The following TG variants were observed in gnomAD, a reference collection of about 807,000 sequenced individuals.
The protein encoded by TG is thyroglobulin, also known as thyroid hormones.
In TG, 270 loss-of-function variants were observed where a neutral mutation model predicts 324.7. The observed-to-expected ratio is 0.83, with a 90% CI of 0.75 to 0.92. The LOEUF (loss-of-function observed/expected upper bound fraction) is 0.92, where lower values mean the gene tolerates loss of function less well. Among genes scored for constraint, TG ranks in the 40% least tolerant of loss-of-function variants. TG has a pLI of 0.00. For synonymous variants in TG, 1,401 were observed against 1,327.0 expected, an observed-to-expected ratio of 1.06 and a Z score of -1.21; for missense variants, 3,591 against 3,456.4, an observed-to-expected ratio of 1.04 and a Z score of -0.98.
intron 34 of TG, among the ~76,000 whole-genome samples, chr8:132,979,438 A>G (rs777056020): frequency 6.6e-6 from 1 of 152,328 alleles, no homozygotes; most frequent in Non-Finnish European, 1.5e-5. Context: ...AAAGGAAATG[A>G]CAAGCTCTTC....
At chr8:132,948,187 C>A (rs537951035) in intron 26 of TG, among the ~76,000 whole-genome samples, 46 of 151,204 alleles carry the variant, frequency 3.0e-4, no homozygotes, top group African/African-American at 5.4e-4. Context: ...CGTCCCCCCC[C>A]AAAAAAAGTT....
At position 132,935,769 on chromosome 8, in the gene TG, T is replaced by C; in HGVS notation, c.4946T>C (p.Leu1649Pro). ...CMTSDQKRDA[L>P]GNSKATSFGS... ...TTCCATCTCCAGAAACGAGATGCAC[T>C]GGGGAACTCAAAGGCCACCAGCTTT... is the stretch of plus-strand genomic sequence containing the variant. The change falls in exon 25 of 48, where the codon CTG becomes CCG. Residue 1649 changes from leucine (L) to proline (P), a missense_variant. By Grantham distance (98) the Leu-to-Pro change is moderately conservative. Transcript: ENST00000220616. 6.2e-7 allele frequency: 1 copy of C among 1,612,880 alleles called. No homozygotes were observed. Among genetic ancestry groups the C allele is most frequent in the Non-Finnish European group, 8.5e-7 (1 of 1,179,932 alleles).
intron 26 of TG, among the ~76,000 whole-genome samples, chr8:132,945,987 A>G (rs1231262476): frequency 2.0e-5 from 3 of 151,974 alleles, no homozygotes; most frequent in Non-Finnish European, 2.9e-5. Flanking sequence ...TTAATGTTCT[A>G]TGATTATGTG....
intron 41 of TG, among the ~76,000 whole-genome samples, chr8:133,064,545 CT>C (rs1175423453): frequency 1.3e-5 from 2 of 152,220 alleles, no homozygotes; most frequent in East Asian, 3.8e-4. Context: ...AGGACCTACA[CT>C]TTTTGTTCAG....
chr8:132,888,121 G>C lies in TG; in HGVS notation c.2314G>C (p.Val772Leu). 1 of 1,614,134 alleles carries C rather than the reference G, an allele frequency of 6.2e-7. No homozygotes were observed. The highest frequency in any genetic ancestry group is 8.5e-7 in the Non-Finnish European group (1 of 1,180,004). Reference protein sequence around the residue: ...QCSTDGQWRQVQCNGPPEQVF... With the variant: ...QCSTDGQWRQLQCNGPPEQVF... The stretch of plus-strand genomic sequence containing the variant: ...CAGCACCGATGGGCAGTGGAGACAA[G>C]TGCAATGCAATGGGCCTCCTGAGCA... Residue 772 changes from valine (V) to leucine (L), a missense_variant, in exon 10 of 48, where the codon GTG (valine) becomes CTG (leucine). Coordinates refer to ENST00000220616, the MANE Select transcript of TG (RefSeq NM_003235.5).
intron 43 of TG, among the ~76,000 whole-genome samples, chr8:133,098,045 T>C (rs1848695573): frequency 6.6e-6 from 1 of 152,214 alleles, no homozygotes; most frequent in Non-Finnish European, 1.5e-5. Flanking sequence ...AAATACCTTT[T>C]GTACCTGATC....
At chr8:132,987,611 G>A (rs1014785675) in intron 35 of TG, among the ~76,000 whole-genome samples, 2 of 152,082 alleles carry the variant, frequency 1.3e-5, no homozygotes, top group Non-Finnish European at 2.9e-5. Flanking sequence ...AGTTAGATAA[G>A]GTTACTTGGT....
intron 23 of TG, among the ~76,000 whole-genome samples, chr8:132,932,669 A>G (rs982493915): frequency 1.3e-5 from 2 of 152,202 alleles, no homozygotes; most frequent in African/African-American, 4.8e-5. Flanking sequence ...ACACAGTTGA[A>G]TGCTTCATGC....
intron 41 of TG, among the ~76,000 whole-genome samples, chr8:133,046,775 G>C (rs1181502570): frequency 6.6e-6 from 1 of 152,132 alleles, no homozygotes; most frequent in African/African-American, 2.4e-5. Context: ...AGCATATTTG[G>C]GTTTTTTAGA....
Position 133,010,965 on chromosome 8 carries a change from G to A in TG, c.6263-936G>A, listed in dbSNP as rs111500244. 2.4e-3 allele frequency among the ~76,000 whole-genome samples: 367 copies of A among 152,308 alleles called. 2 individuals are homozygous for A. The highest frequency in any genetic ancestry group is 0.01 in the Middle Eastern group (3 of 294). On this transcript the variant is annotated intron_variant, in intron 35 of 47. Transcript: ENST00000220616. ...ACCGAGCAGGAACAGTGCCCTCACAGGCCAGTCATTTTAACCTCTTGTGTC... is the reference window on the plus strand; with the variant it reads ...ACCGAGCAGGAACAGTGCCCTCACAAGCCAGTCATTTTAACCTCTTGTGTC...
At chr8:132,898,680 A>C (rs1277170548) in intron 13 of TG, 118 bp from the exon 14 acceptor site, 28 of 816,114 alleles carry the variant, frequency 3.4e-5, no homozygotes, top group Non-Finnish European at 5.4e-5. Flanking sequence ...CTACCTCTCT[A>C]TGAAGAGCAC....
At chr8:132,912,199 A>C (rs183174958) in intron 19 of TG, among the ~76,000 whole-genome samples, 174 of 152,320 alleles carry the variant, frequency 1.1e-3, no homozygotes, top group Non-Finnish European at 1.9e-3. Flanking sequence ...GTCATTCACT[A>C]GTTCTCAGGA....
Position 132,883,002 on chromosome 8 carries a change from G to T in TG, c.1075+3G>T, listed in dbSNP as rs747679727. 1 of 1,613,580 alleles carries T rather than the reference G, an allele frequency of 6.2e-7. No homozygotes were observed. Among genetic ancestry groups the T allele is most frequent in the Non-Finnish European group, 8.5e-7 (1 of 1,179,874 alleles). On this transcript the variant is annotated splice_donor_region_variant and intron_variant, in intron 8 of 47. Coordinates refer to ENST00000220616, the MANE Select transcript of TG (RefSeq NM_003235.5). ...GCAAGGGGAGCCGCCATCTTGTGGT[G>T]GGTTTCCTCTGGGGGCTTCCTCTTT...
At chr8:132,961,583 G>T (rs1395757188) in intron 28 of TG, among the ~76,000 whole-genome samples, 1 of 152,118 alleles carries the variant, frequency 6.6e-6, no homozygotes, top group Non-Finnish European at 1.5e-5. Context: ...CTGTTTCTTT[G>T]TCCTCCTTCA....
At chr8:133,100,664 A>G (rs1284595372) in intron 43 of TG, among the ~76,000 whole-genome samples, 1 of 152,152 alleles carries the variant, frequency 6.6e-6, no homozygotes, top group Non-Finnish European at 1.5e-5. Context: ...TCCTCTTCCC[A>G]TGACGTCACT....
rs916771495 is a variant in TG, at chr8:133,012,092, C to A, written c.6397+57C>A. On this transcript the variant is annotated intron_variant, in intron 36 of 47. Transcript: ENST00000220616. ...GGGACAAAACCTCACACAAGTGCTGCTCAAGATTCTCAACTTAGAAAAACA... is the reference window on the plus strand; with the variant it reads ...GGGACAAAACCTCACACAAGTGCTGATCAAGATTCTCAACTTAGAAAAACA... 1.4e-5 allele frequency: 22 copies of A among 1,608,814 alleles called. No homozygotes were observed. In the African/African-American group the frequency reaches 2.7e-4, roughly 20 times the overall value.
At chr8:133,056,273 A>G (rs79948365) in intron 41 of TG, among the ~76,000 whole-genome samples, 3,761 of 152,284 alleles carry the variant, frequency 0.025, 157 homozygotes, top group African/African-American at 0.082. Context: ...CAATTATGTA[A>G]AAGTTGAATG....
In TG at chr8:133,134,752, C is replaced by T; in HGVS notation, c.8265C>T (p.Leu2755=). The change falls in exon 48 of 48, where the codon CTC becomes CTT. Residue 2755 remains leucine, a synonymous_variant. Transcript: ENST00000220616. Reference sequence around the variant, plus strand: ...CTGGATCTGGGCTAAGAGAAGATCTCCTAAGCCTCCAGGAACCAGGCTCTA... The same window carrying T: ...CTGGATCTGGGCTAAGAGAAGATCTTCTAAGCCTCCAGGAACCAGGCTCTA... ...LTAGSGLRED[L]LSLQEPGSKT... The T allele has an allele frequency of 1.2e-6, 2 of 1,614,148 alleles. No homozygotes were observed. The highest frequency in any genetic ancestry group is 2.2e-5 in the East Asian group (1 of 44,866).
rs180208 is a variant in TG at position 132,871,775 on chromosome 8, T to C, written c.478+224T>C. Among the ~76,000 whole-genome samples, 79,933 of 152,136 alleles carry C rather than the reference T, an allele frequency of 0.53. 21,132 individuals carry two copies. Among genetic ancestry groups the C allele is most frequent in the East Asian group, 0.59 (3,029 of 5,168 alleles). The stretch of plus-strand genomic sequence containing the variant: ...CATTAGAAACATAAACAGGATTTCA[T>C]TGAACGTTGTGAGTCTCCTGTTGCA... On this transcript the variant is annotated intron_variant, in intron 4 of 47. Transcript: ENST00000220616.
Sources: gnomAD v4.1 joint callset for allele counts (sites outside exome capture counted in the v4.1 genomes callset) on GRCh38, gnomAD v4.1.1 for gene constraint, MANE v1.5 for transcripts, NCBI Gene and HGNC (gene_info 2026-07-23, HGNC 2026-07-21) for gene names.